DCBLD1: variants seen among roughly 807,000 people sequenced by gnomAD.
DCBLD1 encodes discoidin, CUB and LCCL domain containing 1, also known as discoidin, CUB and LCCL domain-containing protein 1.
A neutral mutation model predicts 71.5 loss-of-function variants in DCBLD1; 57 were observed. The ratio of observed to expected loss-of-function variants is 0.80; its 90% CI spans 0.64 to 0.99. DCBLD1 has a LOEUF of 0.99. Among genes scored for constraint, DCBLD1 ranks in the 50% least tolerant of loss-of-function variants. The pLI is 0.00. For missense variants in DCBLD1, 891 were observed against 923.5 expected (o/e 0.96, Z 0.46); for synonymous variants, 380 against 363.8 (o/e 1.04, Z -0.51).
Position 117,482,955 on chromosome 6 carries a change from CGGGGCGGGCCGGGCCGGGCCGAGG to C in DCBLD1, c.112+64_112+87del, listed in dbSNP as rs1776947438. On this transcript the variant is annotated intron_variant, in intron 1 of 14. Transcript: ENST00000338728. ...GGCGCCAGGGGCGGGCTGAGGGCTG[CGGGGCGGGCCGGGCCGGGCCGAGG>C]GCTACGGGGCGGGCCGGGCCTGGGG... is the stretch of plus-strand genomic sequence containing the variant. 13 of 616,594 alleles carry C rather than the reference CGGGGCGGGCCGGGCCGGGCCGAGG, an allele frequency of 2.1e-5. No homozygotes were observed. In the South Asian group the frequency reaches 1.3e-3, roughly 64 times the overall value. 38.2% of individuals were successfully genotyped at this position (616,594 alleles called of 1,614,324 possible). A position where few individuals can be genotyped will look rare whatever the true frequency, so the allele number is the denominator to read the frequency against.
chr6:117,554,785 C>T (rs567525252), downstream of DCBLD1, among the ~76,000 whole-genome samples: 22 of 151,512 alleles, frequency 1.5e-4, no homozygotes, highest in African/African-American at 4.4e-4. Flanking sequence ...CCCAGCTACT[C>T]GGCAGGCTGA....
intron 3 of DCBLD1, among the ~76,000 whole-genome samples, chr6:117,521,144 G>A (rs930659585): frequency 2.0e-5 from 3 of 152,124 alleles, no homozygotes; most frequent in Non-Finnish European, 4.4e-5. Flanking sequence ...AATGTTTGTG[G>A]GAACCTTCTC....
In DCBLD1 at chr6:117,560,605, A is replaced by T. The variant is rs540390759; in HGVS notation, c.1616-9015A>T. Reference sequence around the variant, plus strand: ...CTGTGCTAACTTTCGATAGCTGTTGACTTGTAATTATCAAGACTCACAAAA... The same window carrying T: ...CTGTGCTAACTTTCGATAGCTGTTGTCTTGTAATTATCAAGACTCACAAAA... On this transcript the variant is annotated intron_variant, in intron 14 of 14. Transcript: ENST00000296955. The T allele has an allele frequency of 3.6e-5, 7 of 194,922 alleles. No homozygotes were observed. The South Asian group carries it at 1.3e-3, about 37-fold the overall frequency. 12.1% of individuals were successfully genotyped at this position (194,922 alleles called of 1,614,324 possible). A position where few individuals can be genotyped will look rare whatever the true frequency, so the allele number is the denominator to read the frequency against.
chr6:117,538,472 C>G lies in DCBLD1; in HGVS notation c.761-148C>G, dbSNP rs758115091. The G allele has an allele frequency of 9.8e-5, 69 of 707,224 alleles. 1 individual carries two copies. Among genetic ancestry groups the G allele is most frequent in the Non-Finnish European group, 1.5e-4 (64 of 430,124 alleles). 43.8% of individuals were successfully genotyped at this position (707,224 alleles called of 1,614,324 possible). On this transcript the variant is annotated intron_variant, in intron 7 of 14. Coordinates refer to ENST00000338728, the MANE Select transcript of DCBLD1 (RefSeq NM_001366458.2). ...AAATGAGTGAAATGCAAGTCTGGAC[C>G]GTTTAAAAGCTGGTAATTAAACACT...
chr6:117,525,555 C>G (rs1778522209), intron 5 of DCBLD1, 121 bp downstream of exon 5: 1 of 644,014 alleles, frequency 1.6e-6, no homozygotes, highest in Non-Finnish European at 2.4e-6. Flanking sequence ...GCATGAGTCT[C>G]TCTCCTCTGA....
At position 117,492,269 on chromosome 6, in the gene DCBLD1, G is replaced by A. The variant is rs117668813; in HGVS notation, c.112+9376G>A. Among the ~76,000 whole-genome samples, 80 of 152,238 alleles carry A rather than the reference G, an allele frequency of 5.3e-4. 1 individual carries two copies. In the East Asian group the frequency reaches 0.014, roughly 26 times the overall value. ...TCTATCTTCATATGTATTTTGAATC[G>A]TTGTATGTTTTTTACATCGAATTTA... On this transcript the variant is annotated intron_variant, in intron 1 of 14. Transcript: ENST00000338728.
chr6:117,543,587 G>A (rs1298746336), intron 12 of DCBLD1, among the ~76,000 whole-genome samples: 1 of 152,048 alleles, frequency 6.6e-6, no homozygotes, highest in East Asian at 1.9e-4. Flanking sequence ...CACCCAGGCT[G>A]GTCTCAAACT....
At chr6:117,550,059 G>A (rs1289868071), downstream of DCBLD1, among the ~76,000 whole-genome samples, 2 of 152,224 alleles carry the variant, frequency 1.3e-5, no homozygotes, top group Admixed American at 1.3e-4. Context: ...ATTTATCAAA[G>A]TGTTGTCTAT....
At chr6:117,551,127 C>T (rs1162773332), downstream of DCBLD1, among the ~76,000 whole-genome samples, 3 of 152,278 alleles carry the variant, frequency 2.0e-5, no homozygotes, top group Middle Eastern at 3.4e-3. Flanking sequence ...CCCCTAGGGG[C>T]TTTAAAGGTT....
intron 4 of DCBLD1, among the ~76,000 whole-genome samples, chr6:117,524,070 C>T (rs186105233): frequency 6.6e-6 from 1 of 152,204 alleles, no homozygotes; most frequent in South Asian, 2.1e-4. Flanking sequence ...CAGGGTCCCA[C>T]TGCTAGCTAG....
chr6:117,549,203 T>C lies in DCBLD1; in HGVS notation c.*764T>C, dbSNP rs1426086335. The C allele has an allele frequency of 1.0e-6, 1 of 985,354 alleles. No individual in the cohort carries two copies. Among genetic ancestry groups the C allele is most frequent in the East Asian group, 1.1e-4 (1 of 8,836 alleles). 61.0% of individuals were successfully genotyped at this position (985,354 alleles called of 1,614,324 possible). A position where few individuals can be genotyped will look rare whatever the true frequency, so the allele number is the denominator to read the frequency against. ...ACAGGAATTACAGTGTGAATGGCTG[T>C]GTCAGATGTTTTCGTACCTCAGATT... On this transcript the variant is annotated 3_prime_UTR_variant, in exon 15 of 15. Coordinates refer to ENST00000338728, the MANE Select transcript of DCBLD1 (RefSeq NM_001366458.2).
chr6:117,548,443 C>T lies in DCBLD1; in HGVS notation c.*4C>T. 1 of 1,550,522 alleles carries T rather than the reference C, an allele frequency of 6.4e-7. No homozygotes were observed. On this transcript the variant is annotated 3_prime_UTR_variant, in exon 15 of 15. Transcript: ENST00000338728. ...GGCCATGACTGCCCTTTTGTGAACA[C>T]AATGTGAAAGAAGCCTGCTGTGGTA...
At chr6:117,547,294 G>A (rs1431272913) in intron 14 of DCBLD1, among the ~76,000 whole-genome samples, 1 of 152,150 alleles carries the variant, frequency 6.6e-6, no homozygotes, top group East Asian at 1.9e-4. Context: ...GTGTGACCTA[G>A]GAAAAGTTAG....
At chr6:117,544,647 A>G (rs1779207167) in intron 13 of DCBLD1, 70 bp downstream of exon 13, 2 of 1,563,086 alleles carry the variant, frequency 1.3e-6, no homozygotes, top group Non-Finnish European at 1.7e-6. Context: ...GATTGAAAGC[A>G]TAAGGAGGCC....
intron 5 of DCBLD1, among the ~76,000 whole-genome samples, chr6:117,530,103 C>G (rs1410105284): frequency 1.3e-5 from 2 of 152,118 alleles, no homozygotes; most frequent in Non-Finnish European, 2.9e-5. Context: ...GCTCAGCAGA[C>G]CACTGAACTG....
chr6:117,548,299 G>T lies in DCBLD1; in HGVS notation c.2008G>T (p.Ala670Ser). The change falls in exon 15 of 15, where the codon GCT becomes TCT. Residue 670 changes from alanine (A) to serine (S), a missense_variant. By Grantham distance (99) the Ala-to-Ser change is moderately conservative. Coordinates refer to ENST00000338728, the MANE Select transcript of DCBLD1 (RefSeq NM_001366458.2). ...PADRGYDRPK[A>S]VSALATESGH... Reference sequence around the variant, plus strand: ...GGACAGGGGCTACGACCGGCCCAAAGCTGTCAGCGCCCTCGCCACCGAAAG... The same window carrying T: ...GGACAGGGGCTACGACCGGCCCAAATCTGTCAGCGCCCTCGCCACCGAAAG... The T allele has an allele frequency of 6.4e-7, 1 of 1,550,664 alleles. No homozygotes were observed. Among genetic ancestry groups the T allele is most frequent in the Non-Finnish European group, 8.7e-7 (1 of 1,146,992 alleles).
chr6:117,555,700 C>G (rs565405690), intron 14 of DCBLD1, among the ~76,000 whole-genome samples: 1 of 152,278 alleles, frequency 6.6e-6, no homozygotes, highest in East Asian at 1.9e-4. Context: ...CAAACAGTTT[C>G]TTGTGAAATT....
At chr6:117,547,428 A>C (rs1186395797) in intron 14 of DCBLD1, among the ~76,000 whole-genome samples, 1 of 152,030 alleles carries the variant, frequency 6.6e-6, no homozygotes, top group Non-Finnish European at 1.5e-5. Context: ...AGCTCTATAA[A>C]TGGGAGCTCC....
chr6:117,508,441 C>A (rs1777908247), intron 2 of DCBLD1, among the ~76,000 whole-genome samples: 1 of 152,070 alleles, frequency 6.6e-6, no homozygotes, highest in Admixed American at 6.5e-5. Flanking sequence ...TTGTGTCACA[C>A]TAATATACAC....
Sources: gnomAD v4.1 joint callset for allele counts (sites outside exome capture counted in the v4.1 genomes callset) on GRCh38, gnomAD v4.1.1 for gene constraint, MANE v1.5 for transcripts, NCBI Gene and HGNC (gene_info 2026-07-23, HGNC 2026-07-21) for gene names.